MSR1: variants seen among roughly 807,000 people sequenced by gnomAD.
The protein encoded by MSR1 is macrophage scavenger receptor types I and II.
Under a neutral mutation model 47.2 loss-of-function variants are expected in MSR1, and 53 were observed. That is an observed-to-expected ratio of 1.12 (90% CI 0.90 to 1.41). MSR1 has a LOEUF of 1.41. Ranked by LOEUF, MSR1 falls within the 40% of genes most tolerant of loss-of-function variation. MSR1 has a pLI of 0.00. For synonymous variants in MSR1, 239 were observed against 185.6 expected (o/e 1.29, Z -2.34); for missense variants, 786 against 546.9 (o/e 1.44, Z -4.36).
At chr8:16,113,959 C>G (rs529866083) in intron 9 of MSR1, among the ~76,000 whole-genome samples, 1 of 143,612 alleles carries the variant, frequency 7.0e-6, no homozygotes, top group African/African-American at 2.5e-5. Context: ...ATGACCTCTG[C>G]TAGCCCTACT....
chr8:16,110,463 G>T (rs1476362159), intron 9 of MSR1, among the ~76,000 whole-genome samples: 1 of 152,016 alleles, frequency 6.6e-6, no homozygotes, highest in Non-Finnish European at 1.5e-5. Context: ...TACCTACACA[G>T]TTCTATAAAA....
intron 8 of MSR1, among the ~76,000 whole-genome samples, chr8:16,129,601 A>C (rs1800208687): frequency 6.6e-6 from 1 of 152,088 alleles, no homozygotes; most frequent in South Asian, 2.1e-4. Flanking sequence ...TTTAAAAAAC[A>C]GCTGAGTGTG....
At chr8:16,183,711 C>T (rs1292344936) in intron 1 of MSR1, among the ~76,000 whole-genome samples, 1 of 138,502 alleles carries the variant, frequency 7.2e-6, no homozygotes, top group African/African-American at 2.7e-5. Context: ...ATATGTAATA[C>T]CATATATATT....
chr8:16,174,743 G>T (rs35527902), intron 3 of MSR1, among the ~76,000 whole-genome samples: 7,036 of 152,054 alleles, frequency 0.046, 508 homozygotes, highest in African/African-American at 0.15. Context: ...TCTGCTCTCA[G>T]TACTAAGAAT....
intron 4 of MSR1, among the ~76,000 whole-genome samples, chr8:16,166,966 CACAT>C (rs898258951): frequency 9.2e-5 from 14 of 151,572 alleles, no homozygotes; most frequent in African/African-American, 2.9e-4. Flanking sequence ...CACACACACA[CACAT>C]GCACGCACTG....
chr8:16,159,126 G>A (rs1563157976), intron 5 of MSR1, among the ~76,000 whole-genome samples: 1 of 151,136 alleles, frequency 6.6e-6, no homozygotes, highest in East Asian at 1.9e-4. Flanking sequence ...TACAATCTCA[G>A]TAATTAATTA....
chr8:16,175,441 G>A, intron 2 of MSR1, 141 bp from the exon 3 acceptor site: 1 of 760,922 alleles, frequency 1.3e-6, no homozygotes, highest in East Asian at 2.7e-5. Flanking sequence ...CATCTTTGCA[G>A]TAGAAAGCAA....
chr8:16,186,305 T>A (rs575122433), intron 1 of MSR1: 1 of 1,038,244 alleles, frequency 9.6e-7, no homozygotes, highest in Non-Finnish European at 1.4e-6. Flanking sequence ...CTGTTTTCTC[T>A]CCTATTTTCA....
At chr8:16,122,310 T>C (rs1331645696) in intron 8 of MSR1, among the ~76,000 whole-genome samples, 1 of 152,132 alleles carries the variant, frequency 6.6e-6, no homozygotes, top group Non-Finnish European at 1.5e-5. Flanking sequence ...AATCCAAGAA[T>C]GGATTGTGAG....
chr8:16,109,645 AGGC>A lies in MSR1; in HGVS notation c.*437_*439del. 5.6e-6 allele frequency: 1 copy of A among 177,248 alleles called. No individual in the cohort carries two copies. Among genetic ancestry groups the A allele is most frequent in the South Asian group, 1.2e-4 (1 of 8,316 alleles). The allele number at this position is 177,248 out of a possible 1,614,324, so 11.0% of individuals were successfully genotyped here. A position where few individuals can be genotyped will look rare whatever the true frequency, so the allele number is the denominator to read the frequency against. ...GTGTGGATTGGAGATTTTGCAATCT[AGGC>A]ACAAAAGATATCTTCTGATCCCTTC... On this transcript the variant is annotated 3_prime_UTR_variant, in exon 10 of 10. Transcript: ENST00000262101.
Position 16,109,835 on chromosome 8 carries a change from T to A in MSR1, c.*250A>T, listed in dbSNP as rs1010223042. 6.3e-5 allele frequency: 31 copies of A among 489,354 alleles called. No individual in the cohort carries two copies. The highest frequency in any genetic ancestry group is 5.0e-4 in the African/African-American group (26 of 51,782). 30.3% of individuals were successfully genotyped at this position (489,354 alleles called of 1,614,324 possible). A position where few individuals can be genotyped will look rare whatever the true frequency, so the allele number is the denominator to read the frequency against. On this transcript the variant is annotated 3_prime_UTR_variant, in exon 10 of 10. Coordinates refer to ENST00000262101, the MANE Select transcript of MSR1 (RefSeq NM_138715.3). ...AATCTGGAAGCTATAAACTTCAAAA[T>A]GTTCAATTCAGCATATAAGTCATTA...
At chr8:16,140,527 T>G in intron 8 of MSR1, 2 of 996,716 alleles carry the variant, frequency 2.0e-6, no homozygotes, top group African/African-American at 1.7e-5. Flanking sequence ...ATATTGGTAA[T>G]TGAGATATTT....
intron 8 of MSR1, 85 bp from the exon 9 acceptor site, chr8:16,120,691 TA>T: frequency 2.8e-6 from 4 of 1,431,888 alleles, no homozygotes; most frequent in African/African-American, 2.9e-5. Flanking sequence ...ACTTTTTTTT[TA>T]AACACAAAAA....
At chr8:16,145,280 C>T (rs979970203) in intron 7 of MSR1, among the ~76,000 whole-genome samples, 3 of 152,030 alleles carry the variant, frequency 2.0e-5, no homozygotes, top group African/African-American at 7.2e-5. Context: ...GCACCCAAAA[C>T]CTTTCCTATA....
intron 4 of MSR1, 54 bp downstream of exon 4, chr8:16,168,404 A>G (rs1801378313): frequency 2.5e-6 from 4 of 1,597,860 alleles, no homozygotes; most frequent in South Asian, 1.1e-5. Context: ...TAAGGAGACG[A>G]GACTTGGATG....
At chr8:16,155,639 A>G (rs1263613069) in intron 5 of MSR1, among the ~76,000 whole-genome samples, 2 of 151,934 alleles carry the variant, frequency 1.3e-5, no homozygotes, top group African/African-American at 2.4e-5. Flanking sequence ...ATAAACTCAG[A>G]TATTTGTCAG....
At chr8:16,124,048 G>C (rs758742127) in intron 8 of MSR1, among the ~76,000 whole-genome samples, 3 of 152,148 alleles carry the variant, frequency 2.0e-5, no homozygotes, top group Non-Finnish European at 4.4e-5. Context: ...CTCAGTGACA[G>C]ACTGACAGTT....
chr8:16,119,499 T>C (rs1183124970), intron 9 of MSR1, among the ~76,000 whole-genome samples: 4 of 152,114 alleles, frequency 2.6e-5, no homozygotes, highest in Admixed American at 6.5e-5. Context: ...AGTGCTGGGA[T>C]TACAGGTGTG....
intron 5 of MSR1, 87 bp downstream of exon 5, chr8:16,163,978 C>A (rs1300814648): frequency 6.6e-6 from 7 of 1,063,764 alleles, no homozygotes; most frequent in African/African-American, 1.6e-5. Context: ...TATTTCAAAC[C>A]ATAGGATTTC....
Sources: gnomAD v4.1 joint callset for allele counts (sites outside exome capture counted in the v4.1 genomes callset) on GRCh38, gnomAD v4.1.1 for gene constraint, MANE v1.5 for transcripts, NCBI Gene and HGNC (gene_info 2026-07-23, HGNC 2026-07-21) for gene names.